The following SEC22C variants were observed in gnomAD, a reference collection of about 807,000 sequenced individuals.
SEC22C encodes the protein SEC22 homolog C, vesicle trafficking protein, also known as vesicle-trafficking protein SEC22c.
A neutral mutation model predicts 34.7 loss-of-function variants in SEC22C; 29 were observed. That is an observed-to-expected ratio of 0.84 (90% CI 0.62 to 1.14). SEC22C has a LOEUF of 1.14. Among genes scored for constraint, SEC22C ranks in the 50% most tolerant of loss-of-function variants. The pLI is 0.00. For missense variants in SEC22C, 337 were observed against 369.0 expected (o/e 0.91, Z 0.71); for synonymous variants, 117 against 132.8 (o/e 0.88, Z 0.82).
Position 42,551,767 on chromosome 3 carries a change from A to G in SEC22C, c.*1481T>C. ...ATTTTTCTTAAAATGATAACAAGGT[A>G]GCTCAATAACAATACAATACCAGTG... is the stretch of plus-strand genomic sequence containing the variant. On this transcript the variant is annotated 3_prime_UTR_variant, in exon 7 of 7. Coordinates refer to ENST00000264454, the MANE Select transcript of SEC22C (RefSeq NM_032970.4). 1.0e-6 allele frequency: 1 copy of G among 968,554 alleles called. No individual in the cohort carries two copies. Among genetic ancestry groups the G allele is most frequent in the Non-Finnish European group, 1.2e-6 (1 of 814,522 alleles). 60.0% of individuals were successfully genotyped at this position (968,554 alleles called of 1,614,324 possible).
At chr3:42,554,815 A>G (rs1702427507) in intron 6 of SEC22C, among the ~76,000 whole-genome samples, 1 of 152,238 alleles carries the variant, frequency 6.6e-6, no homozygotes, top group Non-Finnish European at 1.5e-5. Flanking sequence ...CGCTTTCACT[A>G]GAATTAACTC....
chr3:42,592,808 TTGCACAGGCCA>T (rs1254288442), intron 1 of SEC22C, among the ~76,000 whole-genome samples: 1 of 152,206 alleles, frequency 6.6e-6, no homozygotes, highest in African/African-American at 2.4e-5. Flanking sequence ...GGTTTTTCAA[TTGCACAGGCCA>T]TGCTTTCTGA....
At chr3:42,570,270 A>G (rs936761776) in intron 1 of SEC22C, among the ~76,000 whole-genome samples, 1 of 152,182 alleles carries the variant, frequency 6.6e-6, no homozygotes, top group African/African-American at 2.4e-5. Context: ...ATCCAAATGC[A>G]AATCAAAGAC....
rs201678818 is a variant in SEC22C at position 42,559,861 on chromosome 3, A to T, written c.526+1256T>A. ...GGCTAATAACATTAATGACAAAGGC[A>T]TGGAATATCAGCACACTGTGATCAC... On this transcript the variant is annotated intron_variant, in intron 4 of 6. Coordinates refer to ENST00000264454, the MANE Select transcript of SEC22C (RefSeq NM_032970.4). Among the ~76,000 whole-genome samples, 6 of 152,200 alleles carry T rather than the reference A, an allele frequency of 3.9e-5. No individual in the cohort carries two copies. In the East Asian group the frequency reaches 1.2e-3, roughly 29 times the overall value.
intron 1 of SEC22C, among the ~76,000 whole-genome samples, chr3:42,572,085 G>C (rs1014732626): frequency 2.6e-5 from 4 of 152,048 alleles, no homozygotes; most frequent in Non-Finnish European, 5.9e-5. Flanking sequence ...ACTGGCTAGG[G>C]ACCTTGGGGT....
intron 1 of SEC22C, chr3:42,591,202 T>G: frequency 6.7e-6 from 1 of 149,976 alleles, no homozygotes; most frequent in Non-Finnish European, 1.2e-5. Context: ...CTTTCTCTCC[T>G]TTTTTTTTTT....
At chr3:42,575,082 A>G (rs992805389) in intron 1 of SEC22C, among the ~76,000 whole-genome samples, 16 of 152,334 alleles carry the variant, frequency 1.1e-4, no homozygotes, top group African/African-American at 3.1e-4. Flanking sequence ...TCCTGGTCTC[A>G]AGCAATCCTC....
chr3:42,597,122 T>C (rs1705052800), intron 1 of SEC22C, among the ~76,000 whole-genome samples: 1 of 152,210 alleles, frequency 6.6e-6, no homozygotes, highest in Non-Finnish European at 1.5e-5. Context: ...CCAAGACCGC[T>C]AGCTTCTCAA....
chr3:42,596,108 AC>A (rs1435760254), intron 1 of SEC22C, among the ~76,000 whole-genome samples: 2 of 150,748 alleles, frequency 1.3e-5, no homozygotes, highest in Non-Finnish European at 3.0e-5. Flanking sequence ...TGCAACCTCT[AC>A]CTCCTGGGTT....
Position 42,548,568 on chromosome 3 carries a change from C to A in SEC22C, c.*4680G>T, listed in dbSNP as rs370723501. 1.2e-6 allele frequency: 2 copies of A among 1,608,712 alleles called. No homozygotes were observed. Among genetic ancestry groups the A allele is most frequent in the African/African-American group, 2.7e-5 (2 of 74,782 alleles). On this transcript the variant is annotated 3_prime_UTR_variant, in exon 7 of 7. Transcript: ENST00000264454. ...AGCAGAAGTTTGACATCACTGCTCC[C>A]GGATGGGAGAATCAGAGCTCTCCTC...
intron 3 of SEC22C, 30 bp from the exon 4 acceptor site, chr3:42,561,326 A>G: frequency 1.2e-6 from 2 of 1,605,658 alleles, no homozygotes; most frequent in East Asian, 2.2e-5. Context: ...CAAGTTAAGC[A>G]TTTTCATCAG....
chr3:42,596,897 A>G (rs991724467), intron 1 of SEC22C, among the ~76,000 whole-genome samples: 1 of 152,226 alleles, frequency 6.6e-6, no homozygotes, highest in South Asian at 2.1e-4. Flanking sequence ...TTGTTTAAGT[A>G]TATCCCAAAT....
chr3:42,594,428 G>C, intron 1 of SEC22C: 1 of 1,613,316 alleles, frequency 6.2e-7, no homozygotes, highest in Non-Finnish European at 8.5e-7. Context: ...ATAGGTACCA[G>C]CATGTGTTAC....
At position 42,557,601 on chromosome 3, in the gene SEC22C, G is replaced by T; in HGVS notation, c.622C>A (p.His208Asn). ...CAALNLIRGVHLAEHSLQVAH... is the reference protein window; with the variant it reads ...CAALNLIRGVNLAEHSLQVAH... The stretch of plus-strand genomic sequence containing the variant: ...ACCTGTAAAGAATGTTCTGCAAGGT[G>T]AACTCCTCGAATGAGATTCAGGGCA... Residue 208 changes from histidine (H) to asparagine (N), a missense_variant, in exon 5 of 7, where the codon CAC becomes AAC. By Grantham distance (68) the His-to-Asn change is moderately conservative. Transcript: ENST00000264454. The T allele has an allele frequency of 2.6e-6, 4 of 1,567,000 alleles. No homozygotes were observed. The highest frequency in any genetic ancestry group is 1.4e-5 in the African/African-American group (1 of 73,146).
At chr3:42,575,212 A>T (rs568598776) in intron 1 of SEC22C, among the ~76,000 whole-genome samples, 1 of 152,314 alleles carries the variant, frequency 6.6e-6, no homozygotes, top group East Asian at 1.9e-4. Context: ...AAAACAGAGA[A>T]ATAACAACAA....
chr3:42,550,166 G>T lies in SEC22C; in HGVS notation c.*3082C>A. ...GCCACACTCTGGCCTTGATACAGTAGATGGGACTTAACACACTCTGATGCT... is the reference window on the plus strand; with the variant it reads ...GCCACACTCTGGCCTTGATACAGTATATGGGACTTAACACACTCTGATGCT... On this transcript the variant is annotated 3_prime_UTR_variant, in exon 7 of 7. Transcript: ENST00000264454. 2.0e-6 allele frequency: 2 copies of T among 985,472 alleles called. No individual in the cohort carries two copies. The highest frequency in any genetic ancestry group is 1.2e-4 in the Admixed American group (2 of 16,286). The allele number at this position is 985,472 out of a possible 1,614,324, so 61.0% of individuals were successfully genotyped here. A position where few individuals can be genotyped will look rare whatever the true frequency, so the allele number is the denominator to read the frequency against.
chr3:42,599,467 C>T (rs1400445051), intron 1 of SEC22C, among the ~76,000 whole-genome samples: 1,931 of 149,306 alleles, frequency 0.013, 55 homozygotes, highest in African/African-American at 0.045. Flanking sequence ...CCGAGGCGGG[C>T]GGATCACGAG....
intron 1 of SEC22C, chr3:42,600,891 G>T: frequency 1.3e-6 from 1 of 746,124 alleles, no homozygotes; most frequent in Non-Finnish European, 1.9e-6. Context: ...GTGAGGCACC[G>T]TGGCGCGGAC....
chr3:42,584,088 G>A (rs3886782), upstream of SEC22C, among the ~76,000 whole-genome samples: 2 of 152,108 alleles, frequency 1.3e-5, no homozygotes, highest in Admixed American at 6.5e-5. Flanking sequence ...ATAACTATGT[G>A]AGCCAGTTCC....
Sources: gnomAD v4.1 joint callset for allele counts (sites outside exome capture counted in the v4.1 genomes callset) on GRCh38, gnomAD v4.1.1 for gene constraint, MANE v1.5 for transcripts, NCBI Gene and HGNC (gene_info 2026-07-23, HGNC 2026-07-21) for gene names.